The following ST6GALNAC3 variants were observed in gnomAD, a reference collection of about 807,000 sequenced individuals.
The protein encoded by ST6GALNAC3 is ST6 N-acetylgalactosaminide alpha-2,6-sialyltransferase 3.
A neutral mutation model predicts 32.7 loss-of-function variants in ST6GALNAC3; 25 were observed. The ratio of observed to expected loss-of-function variants is 0.76; its 90% CI spans 0.56 to 1.07. ST6GALNAC3 has a LOEUF of 1.07. Ranked by LOEUF, ST6GALNAC3 falls within the 50% of genes least tolerant of loss-of-function variation. ST6GALNAC3 has a pLI of 0.00. For synonymous variants in ST6GALNAC3, 129 were observed against 133.1 expected, an observed-to-expected ratio of 0.97 and a Z score of 0.21; for missense variants, 355 against 382.4, an observed-to-expected ratio of 0.93 and a Z score of 0.60.
At chr1:76,209,621 C>T (rs948477279) in intron 1 of ST6GALNAC3, among the ~76,000 whole-genome samples, 9 of 152,138 alleles carry the variant, frequency 5.9e-5, no homozygotes, top group South Asian at 2.1e-4. Context: ...TTAGCTTACT[C>T]GACGGGAATC....
intron 2 of ST6GALNAC3, among the ~76,000 whole-genome samples, chr1:76,327,310 GTGTGTA>G (rs1390097879): frequency 3.4e-5 from 5 of 148,440 alleles, no homozygotes; most frequent in African/African-American, 1.0e-4. Flanking sequence ...GTGTGTGTGT[GTGTGTA>G]TGTGTGTATA....
At chr1:76,226,803 C>A (rs1230924709) in intron 1 of ST6GALNAC3, among the ~76,000 whole-genome samples, 3 of 152,120 alleles carry the variant, frequency 2.0e-5, no homozygotes, top group Non-Finnish European at 2.9e-5. Context: ...CAGGGAGGAT[C>A]CATCCCGCCT....
intron 1 of ST6GALNAC3, among the ~76,000 whole-genome samples, chr1:76,158,412 C>T (rs1369712908): frequency 4.6e-5 from 7 of 152,200 alleles, no homozygotes; most frequent in South Asian, 2.1e-4. Context: ...GGCCCTCTGA[C>T]ATGAAGGCAC....
intron 3 of ST6GALNAC3, among the ~76,000 whole-genome samples, chr1:76,538,548 CAT>C (rs1338304575): frequency 6.6e-6 from 1 of 151,988 alleles, no homozygotes. Context: ...GGAAATAAAT[CAT>C]ATTCAAATAG....
intron 3 of ST6GALNAC3, among the ~76,000 whole-genome samples, chr1:76,469,989 A>G (rs1263999751): frequency 3.3e-5 from 5 of 152,064 alleles, no homozygotes; most frequent in African/African-American, 9.7e-5. Context: ...AGCAATTCTA[A>G]TACAGTAAAA....
At chr1:76,170,495 T>G (rs1652419932) in intron 1 of ST6GALNAC3, among the ~76,000 whole-genome samples, 1 of 152,140 alleles carries the variant, frequency 6.6e-6, no homozygotes, top group Admixed American at 6.5e-5. Context: ...AGAAATTGTT[T>G]CAAAAATCTA....
chr1:76,397,838 G>A (rs1276577753), intron 2 of ST6GALNAC3, among the ~76,000 whole-genome samples: 1 of 151,980 alleles, frequency 6.6e-6, no homozygotes, highest in Non-Finnish European at 1.5e-5. Context: ...GCGATTTTCT[G>A]TATCCATGTT....
intron 2 of ST6GALNAC3, among the ~76,000 whole-genome samples, chr1:76,338,009 C>T (rs1009715386): frequency 2.6e-5 from 4 of 152,228 alleles, no homozygotes; most frequent in African/African-American, 9.6e-5. Flanking sequence ...CCATGGAGCA[C>T]CTATCTCTAT....
intron 3 of ST6GALNAC3, among the ~76,000 whole-genome samples, chr1:76,563,212 AC>A (rs1665349079): frequency 6.6e-6 from 1 of 152,150 alleles, no homozygotes; most frequent in African/African-American, 2.4e-5. Context: ...TTGTTTGGCA[AC>A]CCTCTCACTA....
chr1:76,307,504 G>A (rs1661133238), intron 1 of ST6GALNAC3, among the ~76,000 whole-genome samples: 1 of 152,058 alleles, frequency 6.6e-6, no homozygotes, highest in Admixed American at 6.6e-5. Flanking sequence ...AATGGGTAGG[G>A]ACTCATCAAT....
chr1:76,406,391 AT>A (rs1284094275), intron 2 of ST6GALNAC3, among the ~76,000 whole-genome samples: 3 of 152,070 alleles, frequency 2.0e-5, no homozygotes, highest in Admixed American at 2.0e-4. Flanking sequence ...TTGCTTGAGA[AT>A]CTTTCACTGC....
At chr1:76,109,491 A>G (rs1247397904) in intron 1 of ST6GALNAC3, among the ~76,000 whole-genome samples, 4 of 152,220 alleles carry the variant, frequency 2.6e-5, no homozygotes, top group Non-Finnish European at 5.9e-5. Flanking sequence ...TATTCCATTC[A>G]AAGGAAAAGC....
chr1:76,169,099 T>G (rs1652310554), intron 1 of ST6GALNAC3, among the ~76,000 whole-genome samples: 1 of 152,230 alleles, frequency 6.6e-6, no homozygotes, highest in Non-Finnish European at 1.5e-5. Flanking sequence ...ATGCTTTCCT[T>G]TCCATATTTA....
chr1:76,302,467 G>A (rs1263194670), intron 1 of ST6GALNAC3, among the ~76,000 whole-genome samples: 1 of 151,906 alleles, frequency 6.6e-6, no homozygotes, highest in East Asian at 1.9e-4. Context: ...TAGCTGTTTG[G>A]TGTTTCAGCT....
chr1:76,138,348 GTTTT>G (rs534714397), intron 1 of ST6GALNAC3, among the ~76,000 whole-genome samples: 48 of 152,050 alleles, frequency 3.2e-4, no homozygotes, highest in Middle Eastern at 3.4e-3. Flanking sequence ...TTCCTTGAAA[GTTTT>G]TTTTCTTTGA....
Position 76,102,235 on chromosome 1 carries a change from T to TTGTGTGTGTGTG in ST6GALNAC3, c.18+27372_18+27383dup, listed in dbSNP as rs60454163. Among the ~76,000 whole-genome samples, 370 of 147,518 alleles carry TTGTGTGTGTGTG rather than the reference T, an allele frequency of 2.5e-3. 2 individuals carry two copies. The highest frequency in any genetic ancestry group is 8.7e-3 in the African/African-American group (348 of 39,818). ...TTCAGTTAGTATTTGCCTGGTGTGT[T>TTGTGTGTGTGTG]TGTGTGTGTGTGTGTGTGTGTGTGT... is the stretch of plus-strand genomic sequence containing the variant. On this transcript the variant is annotated intron_variant, in intron 1 of 4. Transcript: ENST00000328299.
chr1:76,290,537 C>A lies in ST6GALNAC3; in HGVS notation c.19-23268C>A, dbSNP rs555688602. On this transcript the variant is annotated intron_variant, in intron 1 of 4. Transcript: ENST00000328299. ...TGCCACCTCTTTGGGTATGTGGGTA[C>A]GTGTCTACAGCTGCTCATTGAGGCA... Among the ~76,000 whole-genome samples, 8 of 152,230 alleles carry A rather than the reference C, an allele frequency of 5.3e-5. No individual in the cohort carries two copies. The East Asian group carries it at 1.2e-3, about 22-fold the overall frequency.
intron 1 of ST6GALNAC3, among the ~76,000 whole-genome samples, chr1:76,150,244 T>C (rs1650956109): frequency 6.6e-6 from 1 of 152,226 alleles, no homozygotes; most frequent in African/African-American, 2.4e-5. Context: ...CCTGGTGGGC[T>C]GGCTTTTACG....
chr1:76,590,229 CCA>C (rs1647026815), intron 3 of ST6GALNAC3, among the ~76,000 whole-genome samples: 1 of 152,128 alleles, frequency 6.6e-6, no homozygotes, highest in South Asian at 2.1e-4. Context: ...CTCAACGTGA[CCA>C]CATTTCATCT....
Sources: gnomAD v4.1 joint callset for allele counts (sites outside exome capture counted in the v4.1 genomes callset) on GRCh38, gnomAD v4.1.1 for gene constraint, MANE v1.5 for transcripts, NCBI Gene and HGNC (gene_info 2026-07-23, HGNC 2026-07-21) for gene names.